The following VCL variants were observed in gnomAD, a reference collection of about 807,000 sequenced individuals.
VCL encodes the protein epididymis luminal protein 114.
Under a neutral mutation model 125.7 loss-of-function variants are expected in VCL, and 47 were observed. The ratio of observed to expected loss-of-function variants is 0.37; its 90% CI spans 0.30 to 0.48. The LOEUF (loss-of-function observed/expected upper bound fraction) is 0.48. Among genes scored for constraint, VCL ranks in the 20% least tolerant of loss-of-function variants. The pLI is 0.99. For missense variants in VCL, 1,069 were observed against 1,455.5 expected (o/e 0.73, Z 4.32); for synonymous variants, 458 against 514.6 (o/e 0.89, Z 1.49).
chr10:74,114,046 G>A (rs565822902), intron 19 of VCL, 138 bp from the exon 20 acceptor site: 8 of 915,152 alleles, frequency 8.7e-6, no homozygotes, highest in South Asian at 4.2e-5. Flanking sequence ...ACTCAAGAAC[G>A]GCCCTTTTCT....
chr10:74,019,002 A>G (rs1840612302), intron 1 of VCL, among the ~76,000 whole-genome samples: 1 of 152,092 alleles, frequency 6.6e-6, no homozygotes, highest in Non-Finnish European at 1.5e-5. Flanking sequence ...TTGTATCTAC[A>G]GAACTTTCTC....
At chr10:74,113,871 C>T (rs1170237405) in intron 19 of VCL, among the ~76,000 whole-genome samples, 1 of 152,174 alleles carries the variant, frequency 6.6e-6, no homozygotes, top group Non-Finnish European at 1.5e-5. Context: ...GGGTGCACAT[C>T]TTGCCCTTTC....
intron 2 of VCL, among the ~76,000 whole-genome samples, chr10:74,066,770 C>G (rs1841577106): frequency 6.6e-6 from 1 of 150,656 alleles, no homozygotes; most frequent in African/African-American, 2.4e-5. Flanking sequence ...CTCCTGGGTT[C>G]TACTGATTCT....
intron 21 of VCL, among the ~76,000 whole-genome samples, chr10:74,116,212 A>G (rs1840308263): frequency 6.6e-6 from 1 of 152,228 alleles, no homozygotes; most frequent in South Asian, 2.1e-4. Flanking sequence ...AGAGGAAATA[A>G]GGCGGCCATT....
intron 2 of VCL, among the ~76,000 whole-genome samples, chr10:74,050,932 ATTTTTTTTTTTTTT>A (rs10607921): frequency 1.3e-5 from 1 of 77,440 alleles, no homozygotes; most frequent in African/African-American, 5.2e-5. Context: ...GTACTACTGT[ATTTTTTTTTTTTTT>A]TTTTTTTTTT....
chr10:74,112,241 G>C (rs1840236999), intron 19 of VCL, 129 bp downstream of exon 19: 2 of 1,188,072 alleles, frequency 1.7e-6, no homozygotes, highest in Admixed American at 1.9e-5. Context: ...CTGTCTGTCT[G>C]CACCATGTTG....
In VCL at chr10:74,087,153, A is replaced by G. The variant is rs138846294; in HGVS notation, c.1023-2043A>G. ...AAAAGCACATTAAATCCTAAAGACT[A>G]TGTTTCCTAAAAGTCTTCCCCTCTT... On this transcript the variant is annotated intron_variant, in intron 8 of 21. Transcript: ENST00000211998. Among the ~76,000 whole-genome samples, 818 of 152,170 alleles carry G rather than the reference A, an allele frequency of 5.4e-3. 15 individuals are homozygous for G. The highest frequency in any genetic ancestry group is 0.016 in the Admixed American group (243 of 15,298).
intron 12 of VCL, 96 bp downstream of exon 12, chr10:74,095,951 T>C: frequency 7.0e-7 from 1 of 1,431,866 alleles, no homozygotes; most frequent in East Asian, 2.4e-5. Context: ...ACATAATTTC[T>C]GGGGTCTAGG....
At chr10:74,062,746 G>C (rs1052729875) in intron 2 of VCL, among the ~76,000 whole-genome samples, 4 of 151,892 alleles carry the variant, frequency 2.6e-5, no homozygotes, top group Non-Finnish European at 5.9e-5. Flanking sequence ...CACTGTTCCT[G>C]GCTAATTTTT....
At chr10:74,013,020 G>T (rs981634211) in intron 1 of VCL, among the ~76,000 whole-genome samples, 5 of 152,074 alleles carry the variant, frequency 3.3e-5, no homozygotes, top group African/African-American at 1.2e-4. Context: ...CCCCACCAGA[G>T]CCTCAGGGGC....
intron 11 of VCL, 74 bp downstream of exon 11, chr10:74,094,535 TGTAACATCTGTAATTAG>T: frequency 6.6e-7 from 1 of 1,513,240 alleles, no homozygotes; most frequent in South Asian, 1.2e-5. Context: ...ATAGGGGTCC[TGTAACATCTGTAATTAG>T]GTAAGGGTTC....
chr10:74,024,949 G>A (rs906761768), intron 1 of VCL, among the ~76,000 whole-genome samples: 2 of 152,202 alleles, frequency 1.3e-5, no homozygotes, highest in Non-Finnish European at 2.9e-5. Flanking sequence ...TGATAGTGCT[G>A]TAGAGTTACA....
rs370058111 is a variant in VCL, at chr10:74,095,718, C to T, written c.1606C>T (p.Pro536Ser). Residue 536 changes from proline to serine, a missense_variant, in exon 12 of 22, where the codon CCT becomes TCT. This residue lies in a region of VCL where 760 missense variants were observed against 928.9 expected (regional missense o/e 0.82). Transcript: ENST00000211998. The stretch of plus-strand genomic sequence containing the variant: ...TCGTCTGGCTAATGTTATGATGGGG[C>T]CTTATCGGCAAGATCTTCTCGCCAA... ...GHRLANVMMG[P>S]YRQDLLAKCD... 1.2e-6 allele frequency: 2 copies of T among 1,614,172 alleles called. No homozygotes were observed. Among genetic ancestry groups the T allele is most frequent in the Non-Finnish European group, 8.5e-7 (1 of 1,180,036 alleles).
intron 1 of VCL, among the ~76,000 whole-genome samples, chr10:74,037,330 G>A (rs1841000496): frequency 1.3e-5 from 2 of 152,182 alleles, no homozygotes; most frequent in Non-Finnish European, 2.9e-5. Flanking sequence ...ATGGGTTAAT[G>A]GCTTAAAAAT....
intron 1 of VCL, among the ~76,000 whole-genome samples, chr10:74,006,939 A>C (rs1436900095): frequency 6.6e-6 from 1 of 152,068 alleles, no homozygotes; most frequent in Non-Finnish European, 1.5e-5. Flanking sequence ...TGAAGTGTTT[A>C]TGTTTTATAT....
chr10:74,028,557 C>G (rs1286335351), intron 1 of VCL, among the ~76,000 whole-genome samples: 2 of 151,712 alleles, frequency 1.3e-5, no homozygotes, highest in African/African-American at 4.8e-5. Flanking sequence ...CCACCATGCC[C>G]AACTAATTTT....
chr10:74,093,340 G>A (rs1206956525), intron 10 of VCL, among the ~76,000 whole-genome samples: 3 of 152,088 alleles, frequency 2.0e-5, no homozygotes, highest in African/African-American at 4.8e-5. Context: ...CTGAAGTCAC[G>A]GTGCTGGGTT....
chr10:74,037,804 G>A (rs1164921725), intron 1 of VCL, among the ~76,000 whole-genome samples: 1 of 152,176 alleles, frequency 6.6e-6, no homozygotes, highest in African/African-American at 2.4e-5. Context: ...GAAGGTTATA[G>A]TAGCTGTGTG....
intron 1 of VCL, among the ~76,000 whole-genome samples, chr10:74,018,176 G>GTATATATATATATATATA (rs1565634753): frequency 5.0e-5 from 2 of 40,080 alleles, no homozygotes; most frequent in Non-Finnish European, 1.2e-4. Context: ...GATATATATA[G>GTATATATATATATATATA]GATATATATA....
Sources: allele counts gnomAD v4.1 joint callset (sites outside exome capture counted in the v4.1 genomes callset), GRCh38; gene constraint gnomAD v4.1.1; regional missense constraint gnomAD v4.1.1; transcripts MANE v1.5; gene names NCBI Gene and HGNC (gene_info 2026-07-23, HGNC 2026-07-21).